The following CSMD1 variants were observed in gnomAD, a reference collection of about 807,000 sequenced individuals.
The protein encoded by CSMD1 is CUB and sushi domain-containing protein 1.
A neutral mutation model predicts 417.5 loss-of-function variants in CSMD1; 213 were observed. The observed-to-expected ratio is 0.51, with a 90% CI of 0.46 to 0.57. The LOEUF is 0.57. Ranked by LOEUF, CSMD1 falls within the 20% of genes least tolerant of loss-of-function variation. CSMD1 has a pLI of 0.00. For synonymous variants in CSMD1, 2,862 were observed against 1,736.8 expected, an observed-to-expected ratio of 1.65 and a Z score of -16.11; for missense variants, 6,923 against 4,529.7, an observed-to-expected ratio of 1.53 and a Z score of -15.17.
chr8:4,519,479 C>T (rs907647225), intron 2 of CSMD1, among the ~76,000 whole-genome samples: 3 of 151,718 alleles, frequency 2.0e-5, no homozygotes, highest in African/African-American at 7.3e-5. Context: ...GTGGCTCACG[C>T]CTGTAACCCC....
intron 3 of CSMD1, among the ~76,000 whole-genome samples, chr8:4,415,070 T>C (rs1796856406): frequency 6.6e-6 from 1 of 152,198 alleles, no homozygotes; most frequent in Admixed American, 6.5e-5. Context: ...AATTCAGCTT[T>C]TTTTGCAAAG....
chr8:4,954,875 C>G (rs1206569398), intron 1 of CSMD1, among the ~76,000 whole-genome samples: 1 of 152,164 alleles, frequency 6.6e-6, no homozygotes, highest in African/African-American at 2.4e-5. Flanking sequence ...CTCATAACTT[C>G]AGGAATTCAG....
At chr8:3,459,262 C>G (rs983329169) in intron 12 of CSMD1, among the ~76,000 whole-genome samples, 19 of 152,154 alleles carry the variant, frequency 1.2e-4, no homozygotes, top group Admixed American at 9.2e-4. Context: ...GACTCATGGA[C>G]CAGAGTGAGC....
At chr8:4,925,548 C>CT (rs1554521143) in intron 1 of CSMD1, among the ~76,000 whole-genome samples, 2 of 108,672 alleles carry the variant, frequency 1.8e-5, no homozygotes, top group Admixed American at 9.2e-5. Context: ...TTTTTTTTTT[C>CT]TTTTTTCTTT....
intron 1 of CSMD1, among the ~76,000 whole-genome samples, chr8:4,723,088 G>C (rs969452404): frequency 2.0e-5 from 3 of 152,100 alleles, no homozygotes; most frequent in Non-Finnish European, 4.4e-5. Flanking sequence ...TCAGCTTTCT[G>C]TCTGGATACT....
At chr8:4,726,117 G>A (rs1809419865) in intron 1 of CSMD1, among the ~76,000 whole-genome samples, 2 of 152,194 alleles carry the variant, frequency 1.3e-5, no homozygotes, top group East Asian at 3.9e-4. Context: ...CACACGGGGA[G>A]GACAAGACGT....
At chr8:3,846,036 C>T (rs1396266681) in intron 5 of CSMD1, among the ~76,000 whole-genome samples, 2 of 151,690 alleles carry the variant, frequency 1.3e-5, no homozygotes, top group Non-Finnish European at 2.9e-5. Context: ...GAAAGAGCTG[C>T]CTAAGACTGC....
At chr8:4,605,611 A>G (rs933247907) in intron 2 of CSMD1, among the ~76,000 whole-genome samples, 3 of 152,230 alleles carry the variant, frequency 2.0e-5, no homozygotes, top group African/African-American at 7.2e-5. Flanking sequence ...ATAAAATCTA[A>G]CCATGACCTT....
chr8:4,010,598 G>T (rs754163893), intron 4 of CSMD1, among the ~76,000 whole-genome samples: 1 of 125,096 alleles, frequency 8.0e-6, no homozygotes, highest in Middle Eastern at 4.3e-3. Context: ...ACTACATTCT[G>T]AGCCCAACTC....
intron 4 of CSMD1, among the ~76,000 whole-genome samples, chr8:4,019,477 C>A (rs1192248101): frequency 2.6e-5 from 4 of 152,098 alleles, no homozygotes; most frequent in African/African-American, 4.8e-5. Flanking sequence ...TTAGGGCCCA[C>A]TGTTTTACTG....
intron 23 of CSMD1, among the ~76,000 whole-genome samples, chr8:3,314,882 T>C (rs12156329): frequency 0.37 from 55,763 of 151,954 alleles, 11,029 homozygotes; most frequent in Non-Finnish European, 0.44. Flanking sequence ...TTTTATACAT[T>C]AGGCTGAACA....
In CSMD1 at chr8:4,120,691, C is replaced by A. The variant is rs115070792; in HGVS notation, c.416-88592G>T. ...ACTTTTAAAGAAGTAAGTTTAGATG[C>A]CAAATACATATTCAGAAACACTCCA... On this transcript the variant is annotated intron_variant, in intron 3 of 69. Coordinates refer to ENST00000635120, the MANE Select transcript of CSMD1 (RefSeq NM_033225.6). Among the ~76,000 whole-genome samples, 362 of 152,290 alleles carry A rather than the reference C, an allele frequency of 2.4e-3. 4 individuals are homozygous for A. The highest frequency in any genetic ancestry group is 8.2e-3 in the African/African-American group (342 of 41,550).
intron 42 of CSMD1, among the ~76,000 whole-genome samples, chr8:3,114,349 T>C (rs1026794800): frequency 2.0e-4 from 31 of 151,912 alleles, no homozygotes; most frequent in African/African-American, 7.0e-4. Context: ...TTATGTTAAG[T>C]TTTTTGCCTA....
rs1237762726 is a variant in CSMD1 at position 3,854,637 on chromosome 8, T to C, written c.819-100595A>G. Among the ~76,000 whole-genome samples the C allele has an allele frequency of 5.3e-5, 8 of 151,706 alleles. 1 individual carries two copies. Among genetic ancestry groups the C allele is most frequent in the Non-Finnish European group, 2.9e-5 (2 of 68,000 alleles). On this transcript the variant is annotated intron_variant, in intron 5 of 69. Transcript: ENST00000635120. The stretch of plus-strand genomic sequence containing the variant: ...CTGGTAGCTCCATTGTCAGGCCTTA[T>C]GATATAGAATCTGGACAATGTGGAA...
chr8:3,638,919 A>G (rs1002223734), intron 7 of CSMD1, among the ~76,000 whole-genome samples: 3 of 152,170 alleles, frequency 2.0e-5, no homozygotes, highest in African/African-American at 7.2e-5. Context: ...GAATAGCCTG[A>G]TATTTATTTT....
intron 3 of CSMD1, among the ~76,000 whole-genome samples, chr8:4,319,639 C>T (rs1466661880): frequency 6.6e-6 from 1 of 152,042 alleles, no homozygotes; most frequent in East Asian, 1.9e-4. Flanking sequence ...ATTACTTACC[C>T]AGTTCACTGC....
intron 6 of CSMD1, among the ~76,000 whole-genome samples, chr8:3,725,997 G>A (rs1326193525): frequency 6.6e-6 from 1 of 152,100 alleles, no homozygotes; most frequent in African/African-American, 2.4e-5. Context: ...TACGGAGACC[G>A]GGTCACTGCA....
intron 1 of CSMD1, among the ~76,000 whole-genome samples, chr8:4,640,447 T>C (rs866959426): frequency 3.2e-4 from 49 of 152,248 alleles, no homozygotes; most frequent in African/African-American, 1.2e-3. Context: ...TGGAACAGAA[T>C]AGAAAGCCAT....
At chr8:4,702,860 A>G (rs1042733913) in intron 1 of CSMD1, among the ~76,000 whole-genome samples, 15 of 152,192 alleles carry the variant, frequency 9.9e-5, no homozygotes, top group African/African-American at 3.6e-4. Flanking sequence ...TAACATTATT[A>G]AAGAAAATTA....
Sources: allele counts gnomAD v4.1 joint callset (sites outside exome capture counted in the v4.1 genomes callset), GRCh38; gene constraint gnomAD v4.1.1; transcripts MANE v1.5; gene names NCBI Gene and HGNC (gene_info 2026-07-23, HGNC 2026-07-21).